Variants in PDE6A observed in about 807,000 individuals in gnomAD.
The protein encoded by PDE6A is phosphodiesterase 6A.
In PDE6A, 84 loss-of-function variants were observed where a neutral mutation model predicts 106.3. The observed-to-expected ratio is 0.79, with a 90% CI of 0.66 to 0.95. The LOEUF (loss-of-function observed/expected upper bound fraction) is 0.95, where lower values mean the gene tolerates loss of function less well. Among genes scored for constraint, PDE6A ranks in the 40% least tolerant of loss-of-function variants. PDE6A has a pLI of 0.00. For synonymous variants in PDE6A, 394 were observed against 386.6 expected, an observed-to-expected ratio of 1.02 and a Z score of -0.23; for missense variants, 1,052 against 1,084.9, an observed-to-expected ratio of 0.97 and a Z score of 0.43.
At chr5:149,901,775 G>T (rs890487011) in intron 8 of PDE6A, among the ~76,000 whole-genome samples, 1 of 152,186 alleles carries the variant, frequency 6.6e-6, no homozygotes, top group African/African-American at 2.4e-5. Context: ...CACAACACAT[G>T]AAGTGCAATT....
At position 149,912,665 on chromosome 5, in the gene PDE6A, A is replaced by T. The variant is rs368361033; in HGVS notation, c.998+2278T>A. On this transcript the variant is annotated intron_variant, in intron 6 of 21. Transcript: ENST00000255266. ...CCTGCCTGACTACAACCCACCCACC[A>T]TATCTCCAACCACACCCGCTAGCTG... Among the ~76,000 whole-genome samples, 5 of 152,270 alleles carry T rather than the reference A, an allele frequency of 3.3e-5. No individual in the cohort carries two copies. In the East Asian group the frequency reaches 5.8e-4, roughly 18 times the overall value.
chr5:149,920,472 T>A (rs992660195), intron 5 of PDE6A, among the ~76,000 whole-genome samples: 1 of 152,038 alleles, frequency 6.6e-6, no homozygotes, highest in Non-Finnish European at 1.5e-5. Context: ...TCCTAGCTAC[T>A]CGGGAGGCTG....
At chr5:149,905,130 C>T (rs921417583) in intron 7 of PDE6A, among the ~76,000 whole-genome samples, 3 of 152,192 alleles carry the variant, frequency 2.0e-5, no homozygotes, top group Admixed American at 1.3e-4. Flanking sequence ...TCCTTCCAGA[C>T]ACTTTCCACT....
intron 13 of PDE6A, among the ~76,000 whole-genome samples, chr5:149,891,963 A>G (rs1216827821): frequency 6.6e-6 from 1 of 152,226 alleles, no homozygotes; most frequent in Non-Finnish European, 1.5e-5. Flanking sequence ...CTGGTTTTAT[A>G]GAACCGTTCC....
At chr5:149,889,094 A>AAAAAAAAAAAAAAAAAAAAAAC in intron 13 of PDE6A, among the ~76,000 whole-genome samples, 1 of 150,814 alleles carries the variant, frequency 6.6e-6, no homozygotes, top group African/African-American at 2.4e-5. Context: ...AAAAAAAAAA[A>AAAAAAAAAAAAAAAAAAAAAAC]AAAAGATCAG....
chr5:149,884,371 T>C (rs1173076087), intron 16 of PDE6A, 108 bp downstream of exon 16: 2 of 722,274 alleles, frequency 2.8e-6, no homozygotes, highest in African/African-American at 1.8e-5. Flanking sequence ...TATATGTATA[T>C]ATGTGTGTAT....
At chr5:149,903,165 A>AAC (rs1753048513) in intron 8 of PDE6A, among the ~76,000 whole-genome samples, 1 of 130,018 alleles carries the variant, frequency 7.7e-6, no homozygotes, top group African/African-American at 3.4e-5. Flanking sequence ...AAAAAAAAAA[A>AAC]AAACAAAAGA....
intron 20 of PDE6A, among the ~76,000 whole-genome samples, chr5:149,864,630 A>G (rs905472772): frequency 6.6e-6 from 1 of 152,230 alleles, no homozygotes; most frequent in African/African-American, 2.4e-5. Flanking sequence ...CCTGTGAGGT[A>G]GGAAAATAAG....
chr5:149,873,916 G>A (rs1285303356), intron 17 of PDE6A, among the ~76,000 whole-genome samples: 2 of 151,840 alleles, frequency 1.3e-5, no homozygotes, highest in African/African-American at 4.8e-5. Context: ...TGAGGCAGGA[G>A]GATCACTTGA....
At chr5:149,875,665 T>A (rs1229429995) in intron 17 of PDE6A, among the ~76,000 whole-genome samples, 1 of 151,976 alleles carries the variant, frequency 6.6e-6, no homozygotes, top group Non-Finnish European at 1.5e-5. Flanking sequence ...AAATTTTTAT[T>A]TTTTATAGAG....
intron 17 of PDE6A, among the ~76,000 whole-genome samples, chr5:149,874,502 A>G (rs1462406133): frequency 6.6e-6 from 1 of 152,202 alleles, no homozygotes; most frequent in East Asian, 1.9e-4. Flanking sequence ...ACCTCGAAGT[A>G]TTCACCAAAC....
chr5:149,892,433 A>G (rs1367791980), intron 13 of PDE6A, among the ~76,000 whole-genome samples: 3 of 151,744 alleles, frequency 2.0e-5, no homozygotes, highest in Non-Finnish European at 4.4e-5. Flanking sequence ...GTTATAGTCT[A>G]TGGATATGTT....
chr5:149,932,638 T>A, intron 3 of PDE6A: 1 of 1,613,672 alleles, frequency 6.2e-7, no homozygotes, highest in Non-Finnish European at 8.5e-7. Context: ...GTATATTCCA[T>A]TTCGTACGAA....
At chr5:149,901,893 C>T (rs1752993153) in intron 8 of PDE6A, among the ~76,000 whole-genome samples, 1 of 152,046 alleles carries the variant, frequency 6.6e-6, no homozygotes, top group African/African-American at 2.4e-5. Flanking sequence ...GAATTATTTC[C>T]TGATTGATAA....
At chr5:149,885,681 G>C (rs565040814) in intron 14 of PDE6A, among the ~76,000 whole-genome samples, 3 of 152,292 alleles carry the variant, frequency 2.0e-5, no homozygotes, top group South Asian at 2.1e-4. Context: ...GGAGTTTAAT[G>C]CATTCATTTT....
chr5:149,896,878 C>T (rs1365647646), intron 10 of PDE6A, 102 bp from the exon 11 acceptor site: 1 of 1,271,312 alleles, frequency 7.9e-7, no homozygotes, highest in African/African-American at 1.5e-5. Flanking sequence ...TGCAACAGAA[C>T]CACCAGCTCA....
At chr5:149,915,054 T>TTTTTA in intron 5 of PDE6A, 47 bp from the exon 6 acceptor site, 1 of 746,792 alleles carries the variant, frequency 1.3e-6, no homozygotes, top group Non-Finnish European at 2.0e-6. Flanking sequence ...TTTTTTTTTT[T>TTTTTA]GAGACAGTTT....
intron 3 of PDE6A, chr5:149,931,948 G>C (rs1244457521): frequency 9.1e-7 from 1 of 1,096,878 alleles, no homozygotes; most frequent in Non-Finnish European, 1.4e-6. Context: ...AAACAAAGAA[G>C]TTTGCAAATC....
rs1760197770 is a variant in PDE6A, at chr5:149,863,042, GTC to G, written c.2506+75_2506+76del. The G allele has an allele frequency of 7.0e-6, 11 of 1,562,870 alleles. No individual in the cohort carries two copies. Among genetic ancestry groups the G allele is most frequent in the African/African-American group, 1.4e-5 (1 of 73,984 alleles). On this transcript the variant is annotated intron_variant, in intron 21 of 21. Coordinates refer to ENST00000255266, the MANE Select transcript of PDE6A (RefSeq NM_000440.3). The surrounding 1 kb of genome is among the most constrained non-coding windows in gnomAD (Gnocchi z 4.7). ...GGCCTGAATGAGACTCCGTGTAAGA[GTC>G]TCTGAGGCAGGACGCAGACACTGAG...
Sources: gnomAD v4.1 joint callset for allele counts (sites outside exome capture counted in the v4.1 genomes callset) on GRCh38, gnomAD v4.1.1 for gene constraint, Gnocchi (gnomAD v3.1) non-coding constraint, MANE v1.5 for transcripts, NCBI Gene and HGNC (gene_info 2026-07-23, HGNC 2026-07-21) for gene names.